BIK: variants seen among roughly 807,000 people sequenced by gnomAD.
The protein encoded by BIK is bcl-2-interacting killer.
BIK carries 14 observed loss-of-function variants against 12.1 expected under a neutral mutation model. The observed-to-expected ratio is 1.16, with a 90% CI of 0.77 to 1.81. The LOEUF (loss-of-function observed/expected upper bound fraction) is 1.81. BIK is among the 40% of genes most tolerant of loss of function. The probability of loss-of-function intolerance (pLI) is 0.00; values close to 1 mark genes in which losing one functional copy is unlikely to be tolerated. For synonymous variants in BIK, 86 were observed against 92.3 expected (o/e 0.93, Z 0.39); for missense variants, 215 against 207.9 (o/e 1.03, Z -0.21).
chr22:43,127,629 G>A (rs1930342938), intron 2 of BIK, 68 bp from the exon 3 acceptor site: 1 of 1,390,044 alleles, frequency 7.2e-7, no homozygotes, highest in Non-Finnish European at 9.8e-7. Flanking sequence ...TCCGTTGGCT[G>A]GGTGGGTCCA....
chr22:43,128,688 C>T, intron 4 of BIK, 63 bp downstream of exon 4: 1 of 1,544,852 alleles, frequency 6.5e-7, no homozygotes, highest in Non-Finnish European at 8.7e-7. Flanking sequence ...GTCAGAGCCG[C>T]TCCTTGGGGC....
chr22:43,127,482 C>A (rs1183826419), intron 2 of BIK, among the ~76,000 whole-genome samples: 1 of 152,202 alleles, frequency 6.6e-6, no homozygotes. Flanking sequence ...ACCTCTGGGG[C>A]CACCCACGGA....
At position 43,129,343 on chromosome 22, in the gene BIK, A is replaced by C; in HGVS notation, c.*38A>C. ...TCAGGGCGGGGCTGGCCCCACCCCCATGACCACTGCCCTGGAGGTGGCGGC... is the reference window on the plus strand; with the variant it reads ...TCAGGGCGGGGCTGGCCCCACCCCCCTGACCACTGCCCTGGAGGTGGCGGC... On this transcript the variant is annotated 3_prime_UTR_variant, in exon 5 of 5. Transcript: ENST00000216115. 2 of 1,587,664 alleles carry C rather than the reference A, an allele frequency of 1.3e-6. No individual in the cohort carries two copies. Among genetic ancestry groups the C allele is most frequent in the Non-Finnish European group, 1.7e-6 (2 of 1,174,616 alleles).
chr22:43,112,225 C>T (rs779849067), intron 1 of BIK, among the ~76,000 whole-genome samples: 1 of 152,004 alleles, frequency 6.6e-6, no homozygotes, highest in Non-Finnish European at 1.5e-5. Flanking sequence ...TGAAACAGAG[C>T]TTCGCTCTTG....
At chr22:43,128,166 A>T (rs1930358031) in intron 3 of BIK, among the ~76,000 whole-genome samples, 2 of 146,590 alleles carry the variant, frequency 1.4e-5, no homozygotes, top group East Asian at 3.9e-4. Flanking sequence ...CCGGTGGGGG[A>T]ATAGAGTGGG....
intron 1 of BIK, among the ~76,000 whole-genome samples, chr22:43,117,494 G>A (rs950962596): frequency 1.3e-5 from 2 of 151,026 alleles, no homozygotes; most frequent in Admixed American, 6.6e-5. Flanking sequence ...TCAGCCTCCC[G>A]AGTAGCTGGG....
Position 43,128,563 on chromosome 22 carries a change from G to T in BIK, c.328G>T (p.Gly110Cys). 2 of 1,613,974 alleles carry T rather than the reference G, an allele frequency of 1.2e-6. No individual in the cohort carries two copies. The highest frequency in any genetic ancestry group is 1.7e-6 in the Non-Finnish European group (2 of 1,179,852). The change falls in exon 4 of 5, where the codon GGT becomes TGT. Residue 110 changes from glycine to cysteine, a missense_variant. Coordinates refer to ENST00000216115, the MANE Select transcript of BIK (RefSeq NM_001197.5). Reference sequence around the variant, plus strand: ...GGATGTTCTTAGAAGTTTCATGGACGGTTTCACCACACTTAAGGAGAACAT... The same window carrying T: ...GGATGTTCTTAGAAGTTTCATGGACTGTTTCACCACACTTAAGGAGAACAT... ...IRDVLRSFMD[G>C]FTTLKENIMR...
At chr22:43,121,359 G>T (rs540659680) in intron 1 of BIK, among the ~76,000 whole-genome samples, 1 of 152,154 alleles carries the variant, frequency 6.6e-6, no homozygotes, top group Non-Finnish European at 1.5e-5. Flanking sequence ...CAGGCAGAGC[G>T]TGGGTGACTG....
chr22:43,121,898 A>G (rs1601731053), intron 1 of BIK, among the ~76,000 whole-genome samples: 1 of 152,098 alleles, frequency 6.6e-6, no homozygotes, highest in Non-Finnish European at 1.5e-5. Context: ...CGCCTGGCTA[A>G]TTTTGTATTT....
At chr22:43,118,313 CTT>C (rs1180190482) in intron 1 of BIK, among the ~76,000 whole-genome samples, 1 of 152,206 alleles carries the variant, frequency 6.6e-6, no homozygotes, top group African/African-American at 2.4e-5. Flanking sequence ...GGTCTCCTCT[CTT>C]CTAAGGCTGT....
chr22:43,127,672 C>G (rs766571787), intron 2 of BIK, 25 bp from the exon 3 acceptor site: 6 of 1,539,554 alleles, frequency 3.9e-6, no homozygotes, highest in Non-Finnish European at 5.3e-6. Context: ...CAGCCACACC[C>G]GACTCCTGTG....
At chr22:43,119,883 T>C (rs6519361) in intron 1 of BIK, among the ~76,000 whole-genome samples, 24,258 of 152,088 alleles carry the variant, frequency 0.16, 2,196 homozygotes, top group African/African-American at 0.24. Flanking sequence ...GGTGGGATGA[T>C]TACCTGAGCC....
chr22:43,116,265 T>C (rs1930111028), intron 1 of BIK, among the ~76,000 whole-genome samples: 1 of 152,082 alleles, frequency 6.6e-6, no homozygotes, highest in Non-Finnish European at 1.5e-5. Flanking sequence ...GGAAAGGACA[T>C]AGAATAAAAT....
chr22:43,124,291 C>T (rs1930273516), intron 2 of BIK, 108 bp downstream of exon 2: 7 of 1,330,794 alleles, frequency 5.3e-6, no homozygotes, highest in Admixed American at 2.1e-5. Context: ...GCCTCCCAGG[C>T]AGGGCCTCCG....
At chr22:43,113,617 C>CT (rs35621077) in intron 1 of BIK, among the ~76,000 whole-genome samples, 25,029 of 151,476 alleles carry the variant, frequency 0.17, 2,280 homozygotes, top group African/African-American at 0.24. Flanking sequence ...TAACCGTGTA[C>CT]TTTTTTTTTC....
intron 1 of BIK, among the ~76,000 whole-genome samples, chr22:43,115,187 TGAG>T (rs1296537580): frequency 6.6e-6 from 1 of 152,134 alleles, no homozygotes; most frequent in Non-Finnish European, 1.5e-5. Context: ...ACAACACAGA[TGAG>T]GAGCATTTAA....
intron 2 of BIK, among the ~76,000 whole-genome samples, chr22:43,126,280 G>T (rs1049814670): frequency 3.3e-5 from 5 of 151,530 alleles, no homozygotes; most frequent in African/African-American, 1.2e-4. Context: ...CCACCTCCCT[G>T]GTTTACGCCA....
intron 4 of BIK, among the ~76,000 whole-genome samples, chr22:43,128,952 G>A (rs774813871): frequency 2.6e-5 from 4 of 152,204 alleles, no homozygotes; most frequent in African/African-American, 7.2e-5. Flanking sequence ...CCACCACAAG[G>A]GCAGCTGACT....
At chr22:43,115,249 A>G (rs187642860) in intron 1 of BIK, among the ~76,000 whole-genome samples, 325 of 152,182 alleles carry the variant, frequency 2.1e-3, no homozygotes, top group African/African-American at 7.6e-3. Flanking sequence ...CTGAGCCCCA[A>G]GGAAGCAGTG....
Sources: allele counts gnomAD v4.1 joint callset (sites outside exome capture counted in the v4.1 genomes callset), GRCh38; gene constraint gnomAD v4.1.1; transcripts MANE v1.5; gene names NCBI Gene and HGNC (gene_info 2026-07-23, HGNC 2026-07-21).